Variants in TSNARE1 observed in about 807,000 individuals in gnomAD.
The protein encoded by TSNARE1 is t-SNARE domain containing 1, also known as t-SNARE domain-containing protein 1.
In TSNARE1, 49 loss-of-function variants were observed where a neutral mutation model predicts 62.0. The observed-to-expected ratio is 0.79, with a 90% confidence interval of 0.63 to 1.00. The LOEUF (loss-of-function observed/expected upper bound fraction) is 1.00, where lower values mean the gene tolerates loss of function less well. TSNARE1 is among the 50% of genes least tolerant of loss of function. TSNARE1 has a pLI of 0.00. For synonymous variants in TSNARE1, 328 were observed against 294.4 expected (o/e 1.11, Z -1.17); for missense variants, 755 against 700.1 (o/e 1.08, Z -0.88).
At chr8:142,246,588 G>C (rs1001991326) in intron 12 of TSNARE1, among the ~76,000 whole-genome samples, 5 of 152,192 alleles carry the variant, frequency 3.3e-5, no homozygotes. Flanking sequence ...AGCAGACGGG[G>C]TGCAAACCTG....
At chr8:142,285,158 T>G (rs1019917141) in intron 10 of TSNARE1, among the ~76,000 whole-genome samples, 3 of 151,082 alleles carry the variant, frequency 2.0e-5, no homozygotes, top group Admixed American at 2.0e-4. Flanking sequence ...GATGGATGAA[T>G]AGATGGGTGA....
intron 1 of TSNARE1, among the ~76,000 whole-genome samples, chr8:142,361,869 G>A (rs915431897): frequency 3.9e-5 from 6 of 152,212 alleles, no homozygotes; most frequent in Non-Finnish European, 8.8e-5. Flanking sequence ...GCTGCAGACC[G>A]CCGGGAGCCC....
chr8:142,281,702 G>A (rs2130804839), intron 11 of TSNARE1, among the ~76,000 whole-genome samples: 1 of 152,224 alleles, frequency 6.6e-6, no homozygotes. Context: ...ATAGAGGAAG[G>A]GCTGTGGCCC....
At chr8:142,263,218 T>C (rs932528460) in intron 12 of TSNARE1, among the ~76,000 whole-genome samples, 1 of 152,278 alleles carries the variant, frequency 6.6e-6, no homozygotes, top group Non-Finnish European at 1.5e-5. Flanking sequence ...CTTAAAAATA[T>C]GAATGGGTAT....
chr8:142,398,816 T>A (rs746805435), intron 1 of TSNARE1, among the ~76,000 whole-genome samples: 2 of 152,160 alleles, frequency 1.3e-5, no homozygotes, highest in Non-Finnish European at 2.9e-5. Flanking sequence ...CCTGCTTGCC[T>A]GCAGTGGCCC....
rs114387391 is a variant in TSNARE1 at position 142,277,383 on chromosome 8, C to A, written c.1364-2520G>T. On this transcript the variant is annotated intron_variant, in intron 11 of 13. Transcript: ENST00000524325. ...CAGTGCCCTCAGGGCACAGGGACCC[C>A]TGTGGGAGACCCCCCTGCACTGGGT... 1.3e-3 allele frequency: 1,303 copies of A among 985,420 alleles called. 15 individuals carry two copies. In the African/African-American group the frequency reaches 0.021, roughly 16 times the overall value. The allele number at this position is 985,420 out of a possible 1,614,324, so 61.0% of individuals were successfully genotyped here. A position where few individuals can be genotyped will look rare whatever the true frequency, so the allele number is the denominator to read the frequency against.
chr8:142,303,825 T>C (rs1486460461), intron 9 of TSNARE1, among the ~76,000 whole-genome samples: 1 of 151,952 alleles, frequency 6.6e-6, no homozygotes, highest in Non-Finnish European at 1.5e-5. Flanking sequence ...ACAGCAACCT[T>C]AGAGGGACGT....
At position 142,397,751 on chromosome 8, in the gene TSNARE1, T is replaced by C. The variant is rs916582899; in HGVS notation, c.-40+5353A>G. ...CTGAAGCCCAGGGTTGCCAGGACAA[T>C]GAGCAGCAGCTGCTGCCAGTCCACT... On this transcript the variant is annotated intron_variant, in intron 1 of 13. Coordinates refer to ENST00000524325, the MANE Select transcript of TSNARE1 (RefSeq NM_145003.5). Among the ~76,000 whole-genome samples the C allele has an allele frequency of 3.3e-5, 5 of 152,052 alleles. No homozygotes were observed. The South Asian group carries it at 6.2e-4, about 19-fold the overall frequency.
intron 12 of TSNARE1, among the ~76,000 whole-genome samples, chr8:142,250,809 G>A (rs1307915310): frequency 1.3e-5 from 2 of 152,214 alleles, no homozygotes; most frequent in South Asian, 2.1e-4. Context: ...AGGAGCTGCC[G>A]TGGTGATGGA....
chr8:142,314,896 G>A (rs961757482), intron 8 of TSNARE1, 107 bp downstream of exon 8: 4 of 1,045,880 alleles, frequency 3.8e-6, no homozygotes, highest in Non-Finnish European at 5.9e-6. Flanking sequence ...CTTTGGGGAT[G>A]GGGCTGCACC....
Position 142,284,534 on chromosome 8 carries a change from C to G in TSNARE1, c.1291-49G>C, listed in dbSNP as rs776304003. 4 of 1,458,182 alleles carry G rather than the reference C, an allele frequency of 2.7e-6. 1 individual carries two copies. 90.3% of individuals were successfully genotyped at this position (1,458,182 alleles called of 1,614,324 possible). A position where few individuals can be genotyped will look rare whatever the true frequency, so the allele number is the denominator to read the frequency against. On this transcript the variant is annotated intron_variant, in intron 10 of 13. Transcript: ENST00000524325. Reference sequence around the variant, plus strand: ...ATCAGGAGCAGGGCTGTGGGGCAGACACCAAGGGCACCTGAAAGTTTCCCA... The same window carrying G: ...ATCAGGAGCAGGGCTGTGGGGCAGAGACCAAGGGCACCTGAAAGTTTCCCA...
intron 11 of TSNARE1, chr8:142,277,900 G>T: frequency 5.1e-6 from 5 of 985,366 alleles, no homozygotes; most frequent in Non-Finnish European, 6.0e-6. Context: ...ACCCCTGCCA[G>T]GCCCCTCCTT....
intron 13 of TSNARE1, among the ~76,000 whole-genome samples, chr8:142,217,335 GAAAGAAAGAAAGAAAGA>G (rs1815910596): frequency 2.6e-5 from 2 of 77,204 alleles, no homozygotes; most frequent in Non-Finnish European, 5.5e-5. Flanking sequence ...AAGAAAGAAA[GAAAGAAAGAAAGAAAGA>G]AAGAAAGAAA....
intron 4 of TSNARE1, among the ~76,000 whole-genome samples, chr8:142,338,221 C>T (rs926875511): frequency 1.1e-4 from 16 of 152,358 alleles, no homozygotes; most frequent in African/African-American, 3.1e-4. Flanking sequence ...ACCAGTGCTG[C>T]GTCCCCCCAC....
Position 142,308,152 on chromosome 8 carries a change from C to G in TSNARE1, c.1131+6232G>C, listed in dbSNP as rs957732042. On this transcript the variant is annotated intron_variant, in intron 9 of 13. Coordinates refer to ENST00000524325, the MANE Select transcript of TSNARE1 (RefSeq NM_145003.5). ...ATTAAGGATGTAAGTCCTTTTCACA[C>G]GTGTTGTACAAACGCCCTGTCTTGT... 6.6e-5 allele frequency among the ~76,000 whole-genome samples: 10 copies of G among 152,304 alleles called. No individual in the cohort carries two copies. The East Asian group carries it at 1.7e-3, about 26-fold the overall frequency.
chr8:142,334,261 G>A (rs1371150264), intron 4 of TSNARE1, among the ~76,000 whole-genome samples: 1 of 152,202 alleles, frequency 6.6e-6, no homozygotes. Flanking sequence ...GGCTGTGCTG[G>A]AGTCTCTGAG....
At chr8:142,316,923 T>C (rs1828604748) in intron 7 of TSNARE1, among the ~76,000 whole-genome samples, 2 of 151,944 alleles carry the variant, frequency 1.3e-5, no homozygotes, top group Non-Finnish European at 2.9e-5. Flanking sequence ...TGAGCCACGC[T>C]GCTGGCTCTG....
chr8:142,227,353 ATAG>A (rs1816877424), intron 13 of TSNARE1, among the ~76,000 whole-genome samples: 2 of 82,080 alleles, frequency 2.4e-5, no homozygotes, highest in African/African-American at 1.9e-4. Context: ...CATCCTGCCC[ATAG>A]CCCCAGTGAC....
intron 4 of TSNARE1, among the ~76,000 whole-genome samples, chr8:142,335,966 C>T (rs1339318107): frequency 6.6e-6 from 1 of 152,146 alleles, no homozygotes; most frequent in Non-Finnish European, 1.5e-5. Flanking sequence ...CACCAAAAAG[C>T]AGAGCTTCTC....
Sources: allele counts gnomAD v4.1 joint callset (sites outside exome capture counted in the v4.1 genomes callset), GRCh38; gene constraint gnomAD v4.1.1; transcripts MANE v1.5; gene names NCBI Gene and HGNC (gene_info 2026-07-23, HGNC 2026-07-21).